CLASP2: variants seen among roughly 807,000 people sequenced by gnomAD.
CLASP2 encodes cytoplasmic linker associated protein 2.
Under a neutral mutation model 194.4 loss-of-function variants are expected in CLASP2, and 47 were observed. That is an observed-to-expected ratio of 0.24 (90% CI 0.19 to 0.31). CLASP2 has a LOEUF of 0.31. CLASP2 is among the 10% of genes least tolerant of loss of function. The pLI is 1.00. For missense variants in CLASP2, 1,445 were observed against 1,823.6 expected, an observed-to-expected ratio of 0.79 and a Z score of 3.78; for synonymous variants, 619 against 633.5, an observed-to-expected ratio of 0.98 and a Z score of 0.34.
intron 23 of CLASP2, among the ~76,000 whole-genome samples, chr3:33,580,964 C>T (rs1459344870): frequency 1.5e-5 from 2 of 132,256 alleles, no homozygotes; most frequent in Non-Finnish European, 3.0e-5. Context: ...TGCAGTGAGC[C>T]GAGATCGTGC....
intron 8 of CLASP2, among the ~76,000 whole-genome samples, chr3:33,640,563 A>C (rs571067851): frequency 3.7e-4 from 57 of 152,252 alleles, no homozygotes; most frequent in African/African-American, 1.1e-3. Context: ...AGTGAGTAAA[A>C]GAGAACTTTA....
At chr3:33,570,053 T>C (rs891560959) in intron 26 of CLASP2, among the ~76,000 whole-genome samples, 2 of 152,166 alleles carry the variant, frequency 1.3e-5, no homozygotes, top group African/African-American at 2.4e-5. Flanking sequence ...AAGGGAAGAT[T>C]TCACCATTAT....
At chr3:33,594,278 C>T (rs778110559) in intron 20 of CLASP2, among the ~76,000 whole-genome samples, 2 of 151,878 alleles carry the variant, frequency 1.3e-5, no homozygotes, top group African/African-American at 2.4e-5. Flanking sequence ...TAGTCATCCA[C>T]GTAAAACTTA....
intron 36 of CLASP2, among the ~76,000 whole-genome samples, chr3:33,514,331 TAAAGCACA>T (rs2050705712): frequency 6.6e-6 from 1 of 152,166 alleles, no homozygotes; most frequent in Non-Finnish European, 1.5e-5. Context: ...ACTAAGCTAA[TAAAGCACA>T]AAAGGATTTA....
intron 9 of CLASP2, among the ~76,000 whole-genome samples, chr3:33,630,576 C>T (rs1258693915): frequency 2.0e-5 from 3 of 151,810 alleles, no homozygotes; most frequent in Non-Finnish European, 4.4e-5. Context: ...AAATCAGATT[C>T]TAATCAAGGC....
chr3:33,619,348 G>A (rs1404734814), intron 12 of CLASP2, among the ~76,000 whole-genome samples: 1 of 152,120 alleles, frequency 6.6e-6, no homozygotes, highest in Admixed American at 6.5e-5. Context: ...GTACTCATAT[G>A]TACATGTATG....
intron 29 of CLASP2, among the ~76,000 whole-genome samples, chr3:33,554,308 A>G (rs1421678384): frequency 6.6e-6 from 1 of 152,170 alleles, no homozygotes; most frequent in Non-Finnish European, 1.5e-5. Context: ...TATATACACA[A>G]TGGAATACTA....
At chr3:33,519,891 T>C (rs2052492847) in intron 34 of CLASP2, among the ~76,000 whole-genome samples, 1 of 152,216 alleles carries the variant, frequency 6.6e-6, no homozygotes, top group South Asian at 2.1e-4. Flanking sequence ...TCCAAAAACG[T>C]CTTCCTTTAC....
intron 7 of CLASP2, among the ~76,000 whole-genome samples, chr3:33,663,197 C>CAAAAAAAAAAAAAAAAA: frequency 2.0e-5 from 2 of 100,768 alleles, no homozygotes; most frequent in Non-Finnish European, 4.0e-5. Context: ...GCAGTATCAC[C>CAAAAAAAAAAAAAAAAA]AAAAAAAAAA....
At chr3:33,683,728 G>A (rs2090180724) in intron 6 of CLASP2, 1 of 152,506 alleles carries the variant, frequency 6.6e-6, no homozygotes, top group Non-Finnish European at 1.5e-5. Context: ...GATCACTTGA[G>A]GTCAGGAGTT....
At chr3:33,596,783 A>G (rs1365433492) in intron 18 of CLASP2, 49 bp from the exon 19 acceptor site, 2 of 1,413,060 alleles carry the variant, frequency 1.4e-6, no homozygotes, top group Non-Finnish European at 1.9e-6. Context: ...AGTATATTAG[A>G]AGAAATGATT....
intron 8 of CLASP2, among the ~76,000 whole-genome samples, chr3:33,641,995 A>T (rs1349606698): frequency 6.6e-6 from 1 of 152,006 alleles, no homozygotes; most frequent in Non-Finnish European, 1.5e-5. Flanking sequence ...GAATAGTCAT[A>T]AAGAGAAATA....
chr3:33,640,401 A>G (rs1466960602), intron 8 of CLASP2, among the ~76,000 whole-genome samples: 2 of 152,202 alleles, frequency 1.3e-5, no homozygotes, highest in Non-Finnish European at 2.9e-5. Context: ...TATCATAAAG[A>G]TTAGTAAGTA....
chr3:33,688,300 C>G lies in CLASP2; in HGVS notation c.447G>C (p.Leu149=), dbSNP rs760626781. The change falls in exon 4 of 39, where the codon CTG becomes CTC. Residue 149 remains leucine, a synonymous_variant. Transcript: ENST00000682230. ...ACATGTTTAAGGTTTCAATAAGACACAGACACACGCCTTCTCGAGATCGAA... is the reference window on the plus strand; with the variant it reads ...ACATGTTTAAGGTTTCAATAAGACAGAGACACACGCCTTCTCGAGATCGAA... ...KNFRSREGVC[L]CLIETLNIFG... is the part of the protein sequence containing the mutation. The G allele has an allele frequency of 2.5e-6, 4 of 1,587,810 alleles. No homozygotes were observed. Among genetic ancestry groups the G allele is most frequent in the African/African-American group, 1.3e-5 (1 of 74,546 alleles).
chr3:33,550,303 T>C (rs1303430291), intron 30 of CLASP2, among the ~76,000 whole-genome samples: 2 of 142,366 alleles, frequency 1.4e-5, no homozygotes, highest in East Asian at 4.1e-4. Context: ...GGCTAAGGCA[T>C]GAGAATCACT....
chr3:33,688,221 T>C, intron 4 of CLASP2, 56 bp downstream of exon 4: 1 of 1,365,566 alleles, frequency 7.3e-7, no homozygotes, highest in South Asian at 1.4e-5. Context: ...TGAACTGAGG[T>C]TTTTTTTAGA....
At chr3:33,659,074 G>GGCCTGCA (rs1391792027) in intron 7 of CLASP2, 31 of 1,521,510 alleles carry the variant, frequency 2.0e-5, no homozygotes, top group Middle Eastern at 1.7e-4. Flanking sequence ...CACTGGGCTC[G>GGCCTGCA]GCCTGCAGCC....
chr3:33,566,657 G>T (rs1224372962), intron 27 of CLASP2, 75 bp downstream of exon 27: 3 of 417,496 alleles, frequency 7.2e-6, no homozygotes, highest in African/African-American at 2.1e-5. Flanking sequence ...CTTTGGGAGA[G>T]AAAATAGAGA....
chr3:33,638,853 T>C (rs1243169722), intron 8 of CLASP2, among the ~76,000 whole-genome samples: 4 of 152,196 alleles, frequency 2.6e-5, no homozygotes, highest in Non-Finnish European at 5.9e-5. Context: ...TCTATAATAA[T>C]AACATTTCAC....
Sources: gnomAD v4.1 joint callset for allele counts (sites outside exome capture counted in the v4.1 genomes callset) on GRCh38, gnomAD v4.1.1 for gene constraint, MANE v1.5 for transcripts, NCBI Gene and HGNC (gene_info 2026-07-23, HGNC 2026-07-21) for gene names.